The following RAB1A variants were observed in gnomAD, a reference collection of about 807,000 sequenced individuals.
RAB1A encodes ras-related protein Rab-1A.
Under a neutral mutation model 26.0 loss-of-function variants are expected in RAB1A, and 2 were observed. The ratio of observed to expected loss-of-function variants is 0.08; its 90% confidence interval spans 0.03 to 0.24. The LOEUF is 0.24. Among genes scored for constraint, RAB1A ranks in the 10% least tolerant of loss-of-function variants. The pLI, the probability that RAB1A is intolerant of heterozygous loss-of-function variation, is 1.00. For synonymous variants in RAB1A, 84 were observed against 84.9 expected (o/e 0.99, Z 0.06); for missense variants, 100 against 247.0 (o/e 0.40, Z 3.99).
Position 65,106,658 on chromosome 2 carries a change from C to T in RAB1A, c.24-1852G>A, listed in dbSNP as rs1049608679. ...AGAAGTCAGAGAAGGAAACAAAAATCTTCTAAACAAGTAAATCAGAAGAGG... is the reference window on the plus strand; with the variant it reads ...AGAAGTCAGAGAAGGAAACAAAAATTTTCTAAACAAGTAAATCAGAAGAGG... On this transcript the variant is annotated intron_variant, in intron 1 of 5. Coordinates refer to ENST00000409784, the MANE Select transcript of RAB1A (RefSeq NM_004161.5). Among the ~76,000 whole-genome samples, 2 of 148,886 alleles carry T rather than the reference C, an allele frequency of 1.3e-5. 1 individual carries two copies. The highest frequency in any genetic ancestry group is 3.9e-4 in the East Asian group (2 of 5,142).
chr2:65,094,593 A>AAAAAAG (rs1669243593), intron 3 of RAB1A, among the ~76,000 whole-genome samples: 1 of 151,852 alleles, frequency 6.6e-6, no homozygotes, highest in South Asian at 2.1e-4. Context: ...TCAAAAAAAA[A>AAAAAAG]AAAAAAGAAA....
chr2:65,117,003 G>C (rs1002127043), intron 1 of RAB1A, among the ~76,000 whole-genome samples: 1 of 152,194 alleles, frequency 6.6e-6, no homozygotes, highest in African/African-American at 2.4e-5. Context: ...GAAGGGTAAA[G>C]TTAAAAGCCC....
chr2:65,128,542 T>A (rs1670157134), intron 1 of RAB1A, among the ~76,000 whole-genome samples: 2 of 152,224 alleles, frequency 1.3e-5, no homozygotes, highest in Admixed American at 1.3e-4. Context: ...CATGAAATTC[T>A]AATAAAATAC....
chr2:65,124,817 ATATTT>A (rs746062490), intron 1 of RAB1A, among the ~76,000 whole-genome samples: 18 of 152,162 alleles, frequency 1.2e-4, no homozygotes, highest in Non-Finnish European at 1.6e-4. Context: ...CTCAATATAT[ATATTT>A]TAAAGGTTTT....
chr2:65,112,794 T>G (rs535727231), intron 1 of RAB1A, among the ~76,000 whole-genome samples: 5 of 152,308 alleles, frequency 3.3e-5, no homozygotes, highest in African/African-American at 1.2e-4. Flanking sequence ...TGCTATCAGT[T>G]TTTCCTATAA....
At chr2:65,104,998 T>G in intron 1 of RAB1A, 192 bp from the exon 2 acceptor site, 1 of 692,294 alleles carries the variant, frequency 1.4e-6, no homozygotes, top group East Asian at 2.6e-5. Context: ...ATGATAAAAT[T>G]ATGTAAAAAG....
chr2:65,115,715 A>G (rs570639600), intron 1 of RAB1A, among the ~76,000 whole-genome samples: 70 of 152,336 alleles, frequency 4.6e-4, no homozygotes, highest in African/African-American at 1.6e-3. Context: ...AAGCAATTAA[A>G]AAAAAATGCT....
rs149984725 is a variant in RAB1A at position 65,116,373 on chromosome 2, C to G, written c.24-11567G>C. Among the ~76,000 whole-genome samples, 698 of 152,188 alleles carry G rather than the reference C, an allele frequency of 4.6e-3. 4 individuals carry two copies. Among genetic ancestry groups the G allele is most frequent in the Middle Eastern group, 0.01 (3 of 294 alleles). ...CTCTCAAAGCCTGCATGGGTTTGGACCTGGAAGACCCGTACTTGAATTGAG... is the reference window on the plus strand; with the variant it reads ...CTCTCAAAGCCTGCATGGGTTTGGAGCTGGAAGACCCGTACTTGAATTGAG... On this transcript the variant is annotated intron_variant, in intron 1 of 5. Transcript: ENST00000409784.
intron 2 of RAB1A, among the ~76,000 whole-genome samples, chr2:65,100,379 C>T (rs1174630277): frequency 7.8e-5 from 10 of 127,812 alleles, no homozygotes; most frequent in Non-Finnish European, 1.4e-4. Flanking sequence ...CCAGCCCAGG[C>T]GACAAGGCAT....
chr2:65,107,824 G>C (rs1327739138), intron 1 of RAB1A, among the ~76,000 whole-genome samples: 5 of 152,120 alleles, frequency 3.3e-5, no homozygotes, highest in Admixed American at 3.3e-4. Context: ...CAACAACCCA[G>C]GCTAGGCGTA....
chr2:65,112,121 A>G (rs111244005), intron 1 of RAB1A, among the ~76,000 whole-genome samples: 7,272 of 151,904 alleles, frequency 0.048, 183 homozygotes, highest in Middle Eastern at 0.079. Context: ...AATGACAAAC[A>G]ATCACTTCAA....
chr2:65,113,154 TTACAAATCAGCAAGAGGGC>T (rs1669740902), intron 1 of RAB1A, among the ~76,000 whole-genome samples: 1 of 152,172 alleles, frequency 6.6e-6, no homozygotes, highest in Non-Finnish European at 1.5e-5. Context: ...ATACATTCAA[TTACAAATCAGCAAGAGGGC>T]CCACCCCAGA....
chr2:65,094,000 C>T lies in RAB1A; in HGVS notation c.193-2922G>A, dbSNP rs181378762. ...CTTTTTTTTTTTTGAAACAAGGTCT[C>T]GCTCTGTTGCCCAGGCTAGAGTGCA... On this transcript the variant is annotated intron_variant, in intron 3 of 5. Coordinates refer to ENST00000409784, the MANE Select transcript of RAB1A (RefSeq NM_004161.5). 9.4e-5 allele frequency among the ~76,000 whole-genome samples: 14 copies of T among 149,634 alleles called. No homozygotes were observed. In the East Asian group the frequency reaches 1.2e-3, roughly 13 times the overall value.
chr2:65,115,563 T>G (rs1278182315), intron 1 of RAB1A, among the ~76,000 whole-genome samples: 1 of 152,162 alleles, frequency 6.6e-6, no homozygotes. Flanking sequence ...TGAGCACATA[T>G]TATTCCTATA....
intron 1 of RAB1A, among the ~76,000 whole-genome samples, chr2:65,124,457 CTTTAT>C (rs1278373480): frequency 1.3e-5 from 2 of 150,958 alleles, no homozygotes; most frequent in African/African-American, 4.9e-5. Flanking sequence ...TTTTATTTTA[CTTTAT>C]TTTGAGACAG....
chr2:65,109,649 G>A (rs1362773171), intron 1 of RAB1A, among the ~76,000 whole-genome samples: 2 of 151,642 alleles, frequency 1.3e-5, no homozygotes, highest in East Asian at 3.9e-4. Flanking sequence ...GGCGGAGGTT[G>A]CAGTGAGGAG....
At chr2:65,095,749 C>T (rs998499690) in intron 3 of RAB1A, among the ~76,000 whole-genome samples, 20 of 152,026 alleles carry the variant, frequency 1.3e-4, no homozygotes, top group Non-Finnish European at 2.4e-4. Context: ...TGGTGGCTCA[C>T]GCCTGTAATC....
chr2:65,129,054 G>T (rs1028112558), intron 1 of RAB1A, among the ~76,000 whole-genome samples: 13 of 151,706 alleles, frequency 8.6e-5, no homozygotes, highest in Admixed American at 8.5e-4. Context: ...CCTACATACA[G>T]ATCTATCATA....
chr2:65,108,440 T>C (rs1669616173), intron 1 of RAB1A, among the ~76,000 whole-genome samples: 1 of 151,994 alleles, frequency 6.6e-6, no homozygotes, highest in Non-Finnish European at 1.5e-5. Flanking sequence ...AAATTAATAG[T>C]CAATTCTTTT....
Sources: gnomAD v4.1 joint callset for allele counts (sites outside exome capture counted in the v4.1 genomes callset) on GRCh38, gnomAD v4.1.1 for gene constraint, MANE v1.5 for transcripts, NCBI Gene and HGNC (gene_info 2026-07-23, HGNC 2026-07-21) for gene names.